HFM1: variants seen among roughly 807,000 people sequenced by gnomAD.
The protein encoded by HFM1 is helicase for meiosis 1, also known as probable ATP-dependent DNA helicase HFM1.
Under a neutral mutation model 192.1 loss-of-function variants are expected in HFM1, and 169 were observed. The ratio of observed to expected loss-of-function variants is 0.88; its 90% CI spans 0.78 to 1.00. The LOEUF (loss-of-function observed/expected upper bound fraction) is 1.00. Ranked by LOEUF, HFM1 falls within the 50% of genes least tolerant of loss-of-function variation. The pLI is 0.00. For synonymous variants in HFM1, 525 were observed against 537.8 expected (o/e 0.98, Z 0.33); for missense variants, 1,661 against 1,668.0 (o/e 1.00, Z 0.07).
At chr1:91,325,691 C>G (rs1401208282) in intron 20 of HFM1, among the ~76,000 whole-genome samples, 3 of 152,064 alleles carry the variant, frequency 2.0e-5, no homozygotes, top group African/African-American at 7.2e-5. Flanking sequence ...GAATAAATAC[C>G]TAGCTGCTGA....
At chr1:91,379,315 A>G (rs1438440140) in intron 8 of HFM1, 101 bp from the exon 9 acceptor site, 1 of 812,672 alleles carries the variant, frequency 1.2e-6, no homozygotes, top group Non-Finnish European at 2.0e-6. Flanking sequence ...ACACATCTAC[A>G]TACTCCTAAT....
chr1:91,381,495 T>C (rs753283386), intron 6 of HFM1, among the ~76,000 whole-genome samples: 1 of 152,192 alleles, frequency 6.6e-6, no homozygotes, highest in Non-Finnish European at 1.5e-5. Context: ...GGTTTAATTA[T>C]AACTATCAAC....
upstream of HFM1, chr1:91,404,984 A>G (rs76560841): frequency 5.2e-3 from 2,042 of 389,716 alleles, 41 homozygotes; most frequent in East Asian, 0.025. Flanking sequence ...TACTGTGTCT[A>G]TTCTCTTTAA....
chr1:91,343,055 G>A (rs946033327), intron 20 of HFM1, among the ~76,000 whole-genome samples: 1 of 151,364 alleles, frequency 6.6e-6, no homozygotes, highest in Non-Finnish European at 1.5e-5. Flanking sequence ...GTGAAACCCC[G>A]TCTCTACTAA....
intron 36 of HFM1, among the ~76,000 whole-genome samples, chr1:91,264,282 A>G (rs1019652864): frequency 5.3e-5 from 8 of 150,596 alleles, no homozygotes; most frequent in African/African-American, 2.0e-4. Flanking sequence ...TATTAAAACT[A>G]TGAGTCTGTG....
At chr1:91,335,927 T>G (rs1654509382) in intron 20 of HFM1, among the ~76,000 whole-genome samples, 1 of 152,052 alleles carries the variant, frequency 6.6e-6, no homozygotes. Context: ...CCAAATGTTC[T>G]TAGGATTGCA....
intron 8 of HFM1, among the ~76,000 whole-genome samples, chr1:91,379,677 AAGT>A (rs1441569301): frequency 1.3e-5 from 2 of 152,164 alleles, no homozygotes; most frequent in African/African-American, 4.8e-5. Flanking sequence ...GTGTAACTAA[AAGT>A]GGAGAAAGGT....
chr1:91,289,879 G>A (rs1359059129), intron 30 of HFM1, among the ~76,000 whole-genome samples: 1 of 152,032 alleles, frequency 6.6e-6, no homozygotes, highest in Admixed American at 6.5e-5. Flanking sequence ...GAGAGGGAGA[G>A]GGAGAGGGAG....
chr1:91,374,218 G>A (rs549675894), intron 13 of HFM1, among the ~76,000 whole-genome samples: 5 of 151,994 alleles, frequency 3.3e-5, no homozygotes, highest in African/African-American at 9.6e-5. Flanking sequence ...ATTAAAGGGG[G>A]AGAATGGTCA....
chr1:91,286,482 CCT>C (rs1055931966), intron 30 of HFM1, among the ~76,000 whole-genome samples: 4 of 152,018 alleles, frequency 2.6e-5, no homozygotes, highest in Non-Finnish European at 5.9e-5. Context: ...GGCTGTCTTT[CCT>C]CTGTATTGGT....
intron 13 of HFM1, among the ~76,000 whole-genome samples, chr1:91,359,163 C>T (rs943430366): frequency 1.3e-5 from 2 of 152,098 alleles, no homozygotes; most frequent in African/African-American, 2.4e-5. Flanking sequence ...AAAGAGTCAA[C>T]GTAAAAACAC....
chr1:91,285,389 T>C (rs1240862513), intron 30 of HFM1, among the ~76,000 whole-genome samples: 1 of 152,238 alleles, frequency 6.6e-6, no homozygotes, highest in Non-Finnish European at 1.5e-5. Context: ...ATTTAGCAAT[T>C]ATATTCTCTG....
chr1:91,305,563 ATTTCTTTTTT>A (rs1470055644), intron 30 of HFM1, among the ~76,000 whole-genome samples: 3 of 151,712 alleles, frequency 2.0e-5, no homozygotes, highest in African/African-American at 7.3e-5. Context: ...CAATTTATTT[ATTTCTTTTTT>A]TTTCTTTTTT....
At chr1:91,374,263 A>T (rs557825035) in intron 13 of HFM1, among the ~76,000 whole-genome samples, 1 of 152,328 alleles carries the variant, frequency 6.6e-6, no homozygotes, top group African/African-American at 2.4e-5. Context: ...GCATCACATT[A>T]CATGGGCTAC....
intron 30 of HFM1, among the ~76,000 whole-genome samples, chr1:91,310,858 C>A (rs1650343320): frequency 6.6e-6 from 1 of 152,198 alleles, no homozygotes; most frequent in Non-Finnish European, 1.5e-5. Context: ...TCTTTTCCTT[C>A]CCAGTATCAG....
chr1:91,304,097 T>G (rs1268403651), intron 30 of HFM1, among the ~76,000 whole-genome samples: 1 of 152,044 alleles, frequency 6.6e-6, no homozygotes, highest in African/African-American at 2.4e-5. Context: ...TCAAGTGATC[T>G]ACCCGCCTCG....
chr1:91,298,662 C>A (rs1216504005), intron 30 of HFM1, among the ~76,000 whole-genome samples: 1 of 152,086 alleles, frequency 6.6e-6, no homozygotes, highest in East Asian at 1.9e-4. Flanking sequence ...AATTTTCAAC[C>A]CAGAATTTCA....
At chr1:91,293,267 C>G (rs946157345) in intron 30 of HFM1, among the ~76,000 whole-genome samples, 1 of 151,948 alleles carries the variant, frequency 6.6e-6, no homozygotes, top group African/African-American at 2.4e-5. Context: ...GAACAGGCAA[C>G]CTACAGAATG....
chr1:91,313,571 A>G (rs1195732315), intron 29 of HFM1, 76 bp from the exon 30 acceptor site: 3 of 1,000,076 alleles, frequency 3.0e-6, no homozygotes, highest in African/African-American at 3.3e-5. Context: ...ATTTCTTTTT[A>G]TCTCTCTTAC....
Sources: gnomAD v4.1 joint callset for allele counts (sites outside exome capture counted in the v4.1 genomes callset) on GRCh38, gnomAD v4.1.1 for gene constraint, MANE v1.5 for transcripts, NCBI Gene and HGNC (gene_info 2026-07-23, HGNC 2026-07-21) for gene names.